GC: variants seen among roughly 807,000 people sequenced by gnomAD.
The protein encoded by GC is GC vitamin D binding protein, also known as vitamin D-binding protein.
A neutral mutation model predicts 56.7 loss-of-function variants in GC; 43 were observed. The ratio of observed to expected loss-of-function variants is 0.76; its 90% CI spans 0.59 to 0.98. The LOEUF (loss-of-function observed/expected upper bound fraction) is 0.98. GC is among the 50% of genes least tolerant of loss of function. The pLI is 0.00. For missense variants in GC, 529 were observed against 545.9 expected (o/e 0.97, Z 0.31); for synonymous variants, 216 against 202.7 (o/e 1.07, Z -0.56).
chr4:71,788,614 A>G (rs1048317170), upstream of GC, among the ~76,000 whole-genome samples: 2 of 147,302 alleles, frequency 1.4e-5, no homozygotes, highest in African/African-American at 5.0e-5. Flanking sequence ...TTCAGACTAG[A>G]TGCAAATGAT....
At chr4:71,780,660 G>A (rs1383394213) in intron 1 of GC, among the ~76,000 whole-genome samples, 3 of 152,010 alleles carry the variant, frequency 2.0e-5, no homozygotes, top group East Asian at 3.9e-4. Context: ...GTCATCAGAG[G>A]AATGCAAATC....
Position 71,765,532 on chromosome 4 carries a change from C to A in GC, c.373G>T (p.Ala125Ser). The A allele has an allele frequency of 1.2e-6, 2 of 1,613,886 alleles. No homozygotes were observed. The highest frequency in any genetic ancestry group is 1.7e-6 in the Non-Finnish European group (2 of 1,179,858). The change falls in exon 4 of 13, where the codon GCT becomes TCT. Residue 125 changes from alanine (A) to serine (S), a missense_variant. Ala to Ser is a moderately conservative substitution (Grantham distance 99, BLOSUM62 1). Transcript: ENST00000273951. ...AATTCCTGTGGCTGGTGTTTCAGAGCAGCCATGCAGAGCTTTCGTTCCAGG... is the reference window on the plus strand; with the variant it reads ...AATTCCTGTGGCTGGTGTTTCAGAGAAGCCATGCAGAGCTTTCGTTCCAGG... ...EGLERKLCMAALKHQPQEFPT... is the reference protein window; with the variant it reads ...EGLERKLCMASLKHQPQEFPT...
At chr4:71,805,419 G>C (rs1293915972), upstream of GC, among the ~76,000 whole-genome samples, 1 of 152,172 alleles carries the variant, frequency 6.6e-6, no homozygotes, top group African/African-American at 2.4e-5. Flanking sequence ...TCATGCTGCA[G>C]ACCCTGGCTG....
chr4:71,744,834 G>A (rs1741308676), intron 12 of GC, among the ~76,000 whole-genome samples: 1 of 152,046 alleles, frequency 6.6e-6, no homozygotes, highest in Admixed American at 6.5e-5. Flanking sequence ...ATGGGGGGAG[G>A]ATGTAATAAT....
chr4:71,795,960 T>A (rs1743092042), intron 1 of GC, among the ~76,000 whole-genome samples: 1 of 152,244 alleles, frequency 6.6e-6, no homozygotes. Flanking sequence ...ACAATTCTTT[T>A]CTTTAAGAAT....
At chr4:71,788,546 A>T (rs1742894974), upstream of GC, among the ~76,000 whole-genome samples, 1 of 151,748 alleles carries the variant, frequency 6.6e-6, no homozygotes, top group South Asian at 2.1e-4. Flanking sequence ...TCCCAAAAAC[A>T]CTTCCATAAA....
intron 11 of GC, among the ~76,000 whole-genome samples, chr4:71,749,689 A>G (rs943250034): frequency 6.6e-6 from 1 of 152,192 alleles, no homozygotes; most frequent in Non-Finnish European, 1.5e-5. Flanking sequence ...TTAATTAATT[A>G]TTTTATGCTA....
upstream of GC, among the ~76,000 whole-genome samples, chr4:71,785,567 G>C (rs553156411): frequency 2.6e-5 from 4 of 151,682 alleles, no homozygotes; most frequent in African/African-American, 9.7e-5. Context: ...GTTGGAAAAA[G>C]ATACCTATGC....
At chr4:71,746,297 T>C in intron 11 of GC, 92 bp from the exon 12 acceptor site, 6 of 618,826 alleles carry the variant, frequency 9.7e-6, no homozygotes, top group Non-Finnish European at 1.5e-5. Flanking sequence ...TCTTGAAACC[T>C]TGGTTAGGGG....
chr4:71,789,080 A>G (rs929366445), intron 1 of GC, among the ~76,000 whole-genome samples: 3 of 151,878 alleles, frequency 2.0e-5, no homozygotes, highest in African/African-American at 7.2e-5. Flanking sequence ...AGTATTGACA[A>G]TTGTAGTATA....
rs367839367 is a variant in GC, at chr4:71,765,517, G to T, written c.388C>A (p.Pro130Thr). Reference protein sequence around the residue: ...KLCMAALKHQPQEFPTYVEPT... With the variant: ...KLCMAALKHQTQEFPTYVEPT... ...TCCACGTAGGTAGGGAATTCCTGTG[G>T]CTGGTGTTTCAGAGCAGCCATGCAG... The change falls in exon 4 of 13, where the codon CCA becomes ACA. Residue 130 changes from proline (P) to threonine (T), a missense_variant. By Grantham distance (38) the Pro-to-Thr change is conservative. Coordinates refer to ENST00000273951, the MANE Select transcript of GC (RefSeq NM_000583.4). 5.5e-5 allele frequency: 88 copies of T among 1,613,874 alleles called. No individual in the cohort carries two copies. Among genetic ancestry groups the T allele is most frequent in the Non-Finnish European group, 7.4e-5 (87 of 1,179,960 alleles).
chr4:71,786,571 CTT>C (rs1204320988), upstream of GC, among the ~76,000 whole-genome samples: 2 of 151,860 alleles, frequency 1.3e-5, no homozygotes, highest in East Asian at 3.9e-4. Flanking sequence ...GAAGTAGCCT[CTT>C]TCCCTCTTTC....
chr4:71,784,052 C>T lies in GC; in HGVS notation c.-34G>A, dbSNP rs1302702341. 1 of 1,590,330 alleles carries T rather than the reference C, an allele frequency of 6.3e-7. No individual in the cohort carries two copies. The highest frequency in any genetic ancestry group is 1.2e-5 in the South Asian group (1 of 86,710). ...CAGAGAGTCTTGCAGCACCTCCTCTCTCCTGTAGGTGACCATGTAAAAGTG... is the reference window on the plus strand; with the variant it reads ...CAGAGAGTCTTGCAGCACCTCCTCTTTCCTGTAGGTGACCATGTAAAAGTG... On this transcript the variant is annotated 5_prime_UTR_variant, in exon 1 of 13. Coordinates refer to ENST00000273951, the MANE Select transcript of GC (RefSeq NM_000583.4).
chr4:71,745,566 T>G lies in GC; in HGVS notation c.*25+585A>C, dbSNP rs1578277001. ...TTTCTTTAGCATAAATACAATTGAATCTGGAGAGAAAATATTGTTGTTGAA... is the reference window on the plus strand; with the variant it reads ...TTTCTTTAGCATAAATACAATTGAAGCTGGAGAGAAAATATTGTTGTTGAA... On this transcript the variant is annotated intron_variant, in intron 12 of 12. Transcript: ENST00000273951. Among the ~76,000 whole-genome samples, 4 of 152,304 alleles carry G rather than the reference T, an allele frequency of 2.6e-5. No individual in the cohort carries two copies. The South Asian group carries it at 8.3e-4, about 32-fold the overall frequency.
At chr4:71,750,432 T>C (rs1252370073) in intron 11 of GC, among the ~76,000 whole-genome samples, 1 of 152,260 alleles carries the variant, frequency 6.6e-6, no homozygotes, top group Non-Finnish European at 1.5e-5. Flanking sequence ...ATGATCTTTA[T>C]AGTTTTCTTT....
chr4:71,779,585 G>C (rs1186219247), intron 1 of GC, among the ~76,000 whole-genome samples: 1 of 151,748 alleles, frequency 6.6e-6, no homozygotes, highest in Non-Finnish European at 1.5e-5. Flanking sequence ...AGAAGCAATG[G>C]GTAGAATGAA....
chr4:71,744,497 T>A, intron 12 of GC, among the ~76,000 whole-genome samples: 1 of 151,378 alleles, frequency 6.6e-6, no homozygotes, highest in East Asian at 1.9e-4. Flanking sequence ...CTGACATTTG[T>A]TCTGAAAAGA....
upstream of GC, among the ~76,000 whole-genome samples, chr4:71,786,393 A>G (rs1742836063): frequency 1.3e-5 from 2 of 151,854 alleles, 1 homozygote; most frequent in Non-Finnish European, 2.9e-5. Context: ...AGATGGGGAA[A>G]AAATGGGTGA....
intron 1 of GC, among the ~76,000 whole-genome samples, chr4:71,792,272 A>G (rs963115477): frequency 1.1e-4 from 17 of 152,100 alleles, no homozygotes; most frequent in African/African-American, 2.4e-5. Flanking sequence ...ACTAATTTAC[A>G]CTCCCACCAA....
Sources: gnomAD v4.1 joint callset for allele counts (sites outside exome capture counted in the v4.1 genomes callset) on GRCh38, gnomAD v4.1.1 for gene constraint, MANE v1.5 for transcripts, NCBI Gene and HGNC (gene_info 2026-07-23, HGNC 2026-07-21) for gene names.